KIR2DL3: variants seen among roughly 807,000 people sequenced by gnomAD.
KIR2DL3 encodes killer cell immunoglobulin like receptor, two Ig domains and long cytoplasmic tail 3, also known as killer cell immunoglobulin-like receptor 2DL3.
A neutral mutation model predicts 33.8 loss-of-function variants in KIR2DL3; 39 were observed. The ratio of observed to expected loss-of-function variants is 1.15; its 90% CI spans 0.89 to 1.51. The LOEUF (loss-of-function observed/expected upper bound fraction) is 1.51. KIR2DL3 is among the 40% of genes most tolerant of loss of function. The probability of loss-of-function intolerance (pLI) is 0.00; values close to 1 mark genes in which losing one functional copy is unlikely to be tolerated. For synonymous variants in KIR2DL3, 174 were observed against 160.2 expected, an observed-to-expected ratio of 1.09 and a Z score of -0.65; for missense variants, 462 against 426.2, an observed-to-expected ratio of 1.08 and a Z score of -0.74.
At chr19:54,743,511 A>G (rs2071592292) in intron 3 of KIR2DL3, among the ~76,000 whole-genome samples, 1 of 152,256 alleles carries the variant, frequency 6.6e-6, no homozygotes, top group Non-Finnish European at 1.5e-5. Flanking sequence ...GAAACTTAGA[A>G]TTTAAAAAAG....
At chr19:54,752,318 C>T in intron 7 of KIR2DL3, 49 bp from the exon 8 acceptor site, 2 of 1,482,696 alleles carry the variant, frequency 1.3e-6, no homozygotes, top group East Asian at 2.3e-5. Flanking sequence ...CCCAAAGAGT[C>T]CTGGAAAATG....
intron 4 of KIR2DL3, 59 bp from the exon 5 acceptor site, chr19:54,747,276 C>T (rs1243143949): frequency 1.9e-5 from 31 of 1,595,368 alleles, no homozygotes; most frequent in Non-Finnish European, 2.5e-5. Flanking sequence ...TCAAAGATTT[C>T]CATTGAGTAG....
At chr19:54,749,526 A>C (rs1162396830) in intron 5 of KIR2DL3, among the ~76,000 whole-genome samples, 2 of 113,088 alleles carry the variant, frequency 1.8e-5, no homozygotes, top group Admixed American at 9.0e-5. Context: ...AGATTTATTC[A>C]TCCTACACAT....
At chr19:54,747,474 C>T (rs1420626051) in intron 5 of KIR2DL3, 89 bp downstream of exon 5, 1 of 1,492,544 alleles carries the variant, frequency 6.7e-7, no homozygotes, top group African/African-American at 1.4e-5. Context: ...TCTCGCAGCT[C>T]TGACATTGTA....
intron 5 of KIR2DL3, among the ~76,000 whole-genome samples, chr19:54,750,403 G>A (rs77422299): frequency 9.4e-3 from 1,182 of 125,282 alleles, no homozygotes; most frequent in South Asian, 0.012. Context: ...TAGAACAGCA[G>A]CCTAACATGT....
intron 5 of KIR2DL3, among the ~76,000 whole-genome samples, chr19:54,749,305 A>G (rs1184106201): frequency 6.7e-6 from 1 of 148,668 alleles, no homozygotes; most frequent in African/African-American, 2.5e-5. Flanking sequence ...TGACATGAAA[A>G]TAAGGGAGGC....
At chr19:54,741,686 C>T (rs1352715845) in intron 2 of KIR2DL3, among the ~76,000 whole-genome samples, 3 of 151,732 alleles carry the variant, frequency 2.0e-5, no homozygotes, top group African/African-American at 4.8e-5. Context: ...CCTCTTTCAC[C>T]CCCACATAAA....
At chr19:54,744,944 ATATATATATATTT>A (rs1243546204) in intron 4 of KIR2DL3, among the ~76,000 whole-genome samples, 12 of 26,818 alleles carry the variant, frequency 4.5e-4, no homozygotes, top group African/African-American at 1.5e-3. Context: ...ATATATATAT[ATATATATATATTT>A]TTTTTTTTTT....
Position 54,752,913 on chromosome 19 carries a change from C to A in KIR2DL3, c.*394C>A. On this transcript the variant is annotated 3_prime_UTR_variant, in exon 8 of 8. Coordinates refer to ENST00000342376, the MANE Select transcript of KIR2DL3 (RefSeq NM_015868.3). ...TCCCTCTTAACACGGCACTTAGACA[C>A]GTGCTGTTCCACCTTCCCTCATGCT... 3.1e-6 allele frequency: 1 copy of A among 322,766 alleles called. No homozygotes were observed. The highest frequency in any genetic ancestry group is 5.8e-6 in the Non-Finnish European group (1 of 171,344). 20.0% of individuals were successfully genotyped at this position (322,766 alleles called of 1,614,324 possible). A position where few individuals can be genotyped will look rare whatever the true frequency, so the allele number is the denominator to read the frequency against.
chr19:54,752,623 C>A lies in KIR2DL3; in HGVS notation c.*104C>A. On this transcript the variant is annotated 3_prime_UTR_variant, in exon 8 of 8. Coordinates refer to ENST00000342376, the MANE Select transcript of KIR2DL3 (RefSeq NM_015868.3). ...AAACTGGGTTGCCAGCTCCAATGTA[C>A]CAGCAGCTGGAATCTGAAGGCGTGA... 1.5e-6 allele frequency: 2 copies of A among 1,348,880 alleles called. No homozygotes were observed. Among genetic ancestry groups the A allele is most frequent in the South Asian group, 2.8e-5 (2 of 72,386 alleles). The allele number at this position is 1,348,880 out of a possible 1,614,324, so 83.6% of individuals were successfully genotyped here.
At chr19:54,745,770 C>G (rs1159489067) in intron 4 of KIR2DL3, among the ~76,000 whole-genome samples, 33 of 151,184 alleles carry the variant, frequency 2.2e-4, no homozygotes, top group African/African-American at 7.5e-4. Context: ...ACCACTTTGG[C>G]AGGATTTCCT....
At chr19:54,751,240 A>G (rs1379754511) in intron 5 of KIR2DL3, among the ~76,000 whole-genome samples, 1 of 129,792 alleles carries the variant, frequency 7.7e-6, no homozygotes, top group Non-Finnish European at 1.7e-5. Context: ...GGGGAGGGGG[A>G]GCGATGGAGC....
At chr19:54,750,982 G>T (rs897962572) in intron 5 of KIR2DL3, among the ~76,000 whole-genome samples, 2 of 133,918 alleles carry the variant, frequency 1.5e-5, no homozygotes, top group African/African-American at 5.6e-5. Context: ...GCTGTTCTGA[G>T]ACGTTCCTCC....
intron 4 of KIR2DL3, among the ~76,000 whole-genome samples, chr19:54,746,738 T>C (rs2072549659): frequency 6.7e-6 from 1 of 150,320 alleles, no homozygotes. Flanking sequence ...ATTTCAGCAC[T>C]TTGGGAGCCC....
In KIR2DL3 at chr19:54,744,074, T is replaced by C. The variant is rs1568957492; in HGVS notation, c.650T>C (p.Leu217Pro). 1 of 1,614,236 alleles carries C rather than the reference T, an allele frequency of 6.2e-7. No individual in the cohort carries two copies. Among genetic ancestry groups the C allele is most frequent in the Non-Finnish European group, 8.5e-7 (1 of 1,180,044 alleles). ...TGGTCAAACTCGAGTGACCCACTGC[T>C]TGTTTCTGTCACAGGTGAGGAAACC... ...YEWSNSSDPL[L>P]VSVTGNPSNS... Residue 217 changes from leucine to proline, a missense_variant, in exon 4 of 8, where the codon CTT (leucine) becomes CCT (proline). Transcript: ENST00000342376.
At chr19:54,742,937 C>G (rs1188696842) in intron 3 of KIR2DL3, among the ~76,000 whole-genome samples, 1 of 151,302 alleles carries the variant, frequency 6.6e-6, no homozygotes, top group Non-Finnish European at 1.5e-5. Context: ...GAGAATGAGC[C>G]AGAGGAAGGA....
chr19:54,752,320 TG>T (rs2073588762), intron 7 of KIR2DL3, 46 bp from the exon 8 acceptor site: 6 of 1,482,074 alleles, frequency 4.0e-6, no homozygotes, highest in South Asian at 2.5e-5. Context: ...CAAAGAGTCC[TG>T]GAAAATGTGA....
At chr19:54,739,859 G>T (rs1316043582) in intron 2 of KIR2DL3, among the ~76,000 whole-genome samples, 2 of 152,208 alleles carry the variant, frequency 1.3e-5, no homozygotes, top group Non-Finnish European at 1.5e-5. Context: ...CTGCAGTGTG[G>T]CTGCTGTCAT....
In KIR2DL3 at chr19:54,749,992, T is replaced by A. The variant is rs1267391800; in HGVS notation, c.716-1657T>A. 2.3e-5 allele frequency among the ~76,000 whole-genome samples: 3 copies of A among 129,190 alleles called. 1 individual carries two copies. Among genetic ancestry groups the A allele is most frequent in the African/African-American group, 8.9e-5 (3 of 33,624 alleles). 84.8% of individuals were successfully genotyped at this position (129,190 alleles called of 152,430 possible). A position where few individuals can be genotyped will look rare whatever the true frequency, so the allele number is the denominator to read the frequency against. On this transcript the variant is annotated intron_variant, in intron 5 of 7. Coordinates refer to ENST00000342376, the MANE Select transcript of KIR2DL3 (RefSeq NM_015868.3). ...CAATCATCGTTTTTCTATTTCTCTA[T>A]AATTACTTCTTTGATCCTTTATCTT...
Sources: allele counts gnomAD v4.1 joint callset (sites outside exome capture counted in the v4.1 genomes callset), GRCh38; gene constraint gnomAD v4.1.1; transcripts MANE v1.5; gene names NCBI Gene and HGNC (gene_info 2026-07-23, HGNC 2026-07-21).